Variants in UNC13C observed in about 807,000 individuals in gnomAD.
UNC13C encodes protein unc-13 homolog C.
UNC13C carries 174 observed loss-of-function variants against 245.4 expected under a neutral mutation model. The ratio of observed to expected loss-of-function variants is 0.71; its 90% CI spans 0.63 to 0.80. The LOEUF (loss-of-function observed/expected upper bound fraction) is 0.80, where lower values mean the gene tolerates loss of function less well. Among genes scored for constraint, UNC13C ranks in the 30% least tolerant of loss-of-function variants. UNC13C has a pLI of 0.00. For synonymous variants in UNC13C, 992 were observed against 895.1 expected (o/e 1.11, Z -1.93); for missense variants, 2,829 against 2,602.9 (o/e 1.09, Z -1.89).
At position 54,230,193 on chromosome 15, in the gene UNC13C, T is replaced by G. The variant is rs1326750613; in HGVS notation, c.3072-4837T>G. Among the ~76,000 whole-genome samples the G allele has an allele frequency of 3.3e-5, 5 of 152,208 alleles. No homozygotes were observed. In the East Asian group the frequency reaches 9.6e-4, roughly 29 times the overall value. On this transcript the variant is annotated intron_variant, in intron 4 of 32. Transcript: ENST00000260323. ...CATTTTCCACAATGGCTGTATTAAT[T>G]TACATTCCCAACAACAATGTGCAAA...
the UNC13C span, among the ~76,000 whole-genome samples, chr15:53,961,500 G>C: frequency 6.6e-6 from 1 of 152,186 alleles, no homozygotes; most frequent in Non-Finnish European, 1.5e-5. Context: ...GTGCACAGTG[G>C]TTAAGAGCGG....
At chr15:54,313,744 C>G (rs1167311729) in intron 13 of UNC13C, among the ~76,000 whole-genome samples, 3 of 151,474 alleles carry the variant, frequency 2.0e-5, no homozygotes, top group Non-Finnish European at 3.0e-5. Context: ...CCAGAAGGAA[C>G]AGATACGTAT....
At chr15:54,090,352 CTCTA>C (rs1488339225) in intron 2 of UNC13C, among the ~76,000 whole-genome samples, 1 of 151,888 alleles carries the variant, frequency 6.6e-6, no homozygotes, top group African/African-American at 2.4e-5. Context: ...AAGAAGTCTT[CTCTA>C]TCTACTACTA....
chr15:54,518,809 G>A (rs951702923), intron 24 of UNC13C, among the ~76,000 whole-genome samples: 2 of 152,140 alleles, frequency 1.3e-5, no homozygotes, highest in Non-Finnish European at 2.9e-5. Flanking sequence ...ACAGCCAAAT[G>A]GGTCAGACAG....
intron 2 of UNC13C, chr15:54,050,916 T>C (rs1897245487): frequency 1.8e-6 from 1 of 549,048 alleles, no homozygotes; most frequent in South Asian, 1.4e-5. Flanking sequence ...GCCACTTGAT[T>C]GTATTTACTC....
intron 13 of UNC13C, among the ~76,000 whole-genome samples, chr15:54,320,006 C>T (rs187126605): frequency 6.6e-6 from 1 of 152,086 alleles, no homozygotes; most frequent in East Asian, 1.9e-4. Flanking sequence ...AATCTGTTCT[C>T]ACTATTCATC....
At chr15:54,263,295 A>G (rs1351891780) in intron 8 of UNC13C, among the ~76,000 whole-genome samples, 1 of 152,118 alleles carries the variant, frequency 6.6e-6, no homozygotes, top group Non-Finnish European at 1.5e-5. Context: ...TTGCTTTCTT[A>G]CTTTAAACTC....
chr15:53,875,724 C>G, the UNC13C span, among the ~76,000 whole-genome samples: 349 of 152,252 alleles, frequency 2.3e-3, no homozygotes, highest in Middle Eastern at 6.8e-3. Flanking sequence ...TAATATAATT[C>G]TGCAATAGTT....
At chr15:53,917,643 T>G in the UNC13C span, among the ~76,000 whole-genome samples, 1 of 152,096 alleles carries the variant, frequency 6.6e-6, no homozygotes, top group Non-Finnish European at 1.5e-5. Flanking sequence ...AGGGCCTCTT[T>G]TCTATCTCCT....
At chr15:54,589,529 C>G (rs552983744) in intron 30 of UNC13C, among the ~76,000 whole-genome samples, 1 of 151,802 alleles carries the variant, frequency 6.6e-6, no homozygotes, top group South Asian at 2.1e-4. Context: ...GAACTCCTGA[C>G]CTAGCAATCC....
At chr15:54,062,013 A>G (rs752781752) in intron 2 of UNC13C, among the ~76,000 whole-genome samples, 47 of 152,094 alleles carry the variant, frequency 3.1e-4, no homozygotes, top group Admixed American at 2.0e-4. Context: ...ATGACTTCAT[A>G]TATCTCTTAA....
At chr15:54,580,640 A>G (rs1339786089) in intron 30 of UNC13C, among the ~76,000 whole-genome samples, 2 of 152,074 alleles carry the variant, frequency 1.3e-5, no homozygotes, top group Non-Finnish European at 2.9e-5. Context: ...TACAAGTGAT[A>G]ATACCCATGA....
At chr15:54,175,504 T>C (rs2033576457) in intron 4 of UNC13C, among the ~76,000 whole-genome samples, 1 of 136,954 alleles carries the variant, frequency 7.3e-6, no homozygotes, top group Non-Finnish European at 1.5e-5. Context: ...GTTGTGGCCC[T>C]AGAATTTTTT....
At chr15:54,468,661 C>T (rs1194602394) in intron 19 of UNC13C, among the ~76,000 whole-genome samples, 1 of 151,668 alleles carries the variant, frequency 6.6e-6, no homozygotes, top group Non-Finnish European at 1.5e-5. Flanking sequence ...CATTCTTTTG[C>T]ATGTGGCTAT....
chr15:54,105,448 A>G (rs1043976728), intron 2 of UNC13C, among the ~76,000 whole-genome samples: 6 of 152,126 alleles, frequency 3.9e-5, no homozygotes, highest in African/African-American at 1.4e-4. Flanking sequence ...ACCCTTTCCC[A>G]TTCTCTTTCC....
intron 4 of UNC13C, among the ~76,000 whole-genome samples, chr15:54,170,116 C>A (rs905042019): frequency 1.3e-5 from 2 of 149,070 alleles, no homozygotes; most frequent in African/African-American, 5.0e-5. Flanking sequence ...GTTCCTGTTT[C>A]TTGCAGATAA....
chr15:54,179,991 G>T (rs960792892), intron 4 of UNC13C, among the ~76,000 whole-genome samples: 28 of 151,986 alleles, frequency 1.8e-4, no homozygotes, highest in African/African-American at 5.1e-4. Context: ...ATCTTTAAGT[G>T]CTAAAATAAA....
intron 29 of UNC13C, among the ~76,000 whole-genome samples, chr15:54,567,443 C>G (rs969593643): frequency 6.6e-6 from 1 of 152,126 alleles, no homozygotes; most frequent in African/African-American, 2.4e-5. Flanking sequence ...GTATTTTTCT[C>G]ATATTCAAGA....
chr15:53,884,719 T>G, the UNC13C span, among the ~76,000 whole-genome samples: 1 of 152,148 alleles, frequency 6.6e-6, no homozygotes, highest in Non-Finnish European at 1.5e-5. Context: ...TCACCTTGAG[T>G]CTTGGCATTC....
Sources: allele counts gnomAD v4.1 joint callset (sites outside exome capture counted in the v4.1 genomes callset), GRCh38; gene constraint gnomAD v4.1.1; transcripts MANE v1.5; gene names NCBI Gene and HGNC (gene_info 2026-07-23, HGNC 2026-07-21).